Variants in LYST observed in about 807,000 individuals in gnomAD.
The protein encoded by LYST is lysosomal trafficking regulator, also known as lysosomal-trafficking regulator.
In LYST, 192 loss-of-function variants were observed where a neutral mutation model predicts 413.6. The observed-to-expected ratio is 0.46, with a 90% CI of 0.41 to 0.52. LYST has a LOEUF of 0.52. Among genes scored for constraint, LYST ranks in the 20% least tolerant of loss-of-function variants. The pLI is 0.00. For missense variants in LYST, 3,815 were observed against 4,499.9 expected (o/e 0.85, Z 4.35); for synonymous variants, 1,525 against 1,567.3 (o/e 0.97, Z 0.64).
chr1:235,676,418 G>T (rs1659384099), intron 50 of LYST, among the ~76,000 whole-genome samples: 1 of 152,156 alleles, frequency 6.6e-6, no homozygotes, highest in Admixed American at 6.5e-5. Flanking sequence ...TTGGAAATGG[G>T]CTAGTTTTCC....
chr1:235,712,114 C>A lies in LYST; in HGVS notation c.9868G>T (p.Val3290Leu). 1 of 1,566,040 alleles carries A rather than the reference C, an allele frequency of 6.4e-7. No homozygotes were observed. The highest frequency in any genetic ancestry group is 8.7e-7 in the Non-Finnish European group (1 of 1,150,640). Residue 3290 changes from valine to leucine, a missense_variant, in exon 43 of 53, where the codon GTG (valine) becomes TTG (leucine). Val to Leu is a conservative substitution (Grantham distance 32). Coordinates refer to ENST00000389793, the MANE Select transcript of LYST (RefSeq NM_000081.4). ...RLSSFESMTDVKELIPEFFYL... is the reference protein window; with the variant it reads ...RLSSFESMTDLKELIPEFFYL... ...AAAAACTCTGGGATAAGTTCTTTCA[C>A]ATCAGTCATAGATTCAAAAGATGAG...
intron 1 of LYST, among the ~76,000 whole-genome samples, chr1:235,855,018 C>T (rs1010471348): frequency 3.9e-5 from 6 of 152,192 alleles, no homozygotes; most frequent in Non-Finnish European, 7.3e-5. Context: ...ACACATAACA[C>T]GTTGTACCAC....
chr1:235,750,149 G>A (rs1401228708), intron 28 of LYST, among the ~76,000 whole-genome samples: 1 of 152,136 alleles, frequency 6.6e-6, no homozygotes, highest in Non-Finnish European at 1.5e-5. Context: ...AGGAAGCTGA[G>A]CACTAATGCT....
At chr1:235,823,501 C>T (rs1675004088) in intron 3 of LYST, among the ~76,000 whole-genome samples, 1 of 152,238 alleles carries the variant, frequency 6.6e-6, no homozygotes, top group Admixed American at 6.5e-5. Flanking sequence ...TTGCCTATTC[C>T]CTTGCTTTAA....
chr1:235,732,177 T>C lies in LYST; in HGVS notation c.8802-1000A>G, dbSNP rs968424185. ...ACAGTATTATCTTTATCTCATCATT[T>C]TGAATGGCTGCCCAATAAAGAGGTA... On this transcript the variant is annotated intron_variant, in intron 34 of 52. Coordinates refer to ENST00000389793, the MANE Select transcript of LYST (RefSeq NM_000081.4). 1.1e-4 allele frequency among the ~76,000 whole-genome samples: 16 copies of C among 152,334 alleles called. No homozygotes were observed. The East Asian group carries it at 3.1e-3, about 29-fold the overall frequency.
At chr1:235,764,502 T>TC (rs1483314899) in intron 21 of LYST, among the ~76,000 whole-genome samples, 2 of 141,328 alleles carry the variant, frequency 1.4e-5, no homozygotes, top group African/African-American at 5.3e-5. Flanking sequence ...TTTCTTTTTT[T>TC]TTTTTTTTTT....
intron 3 of LYST, among the ~76,000 whole-genome samples, chr1:235,820,988 A>G (rs1674688330): frequency 6.6e-6 from 1 of 152,184 alleles, no homozygotes; most frequent in Admixed American, 6.5e-5. Flanking sequence ...TTCTGTTCAC[A>G]TTACTTTAAA....
intron 1 of LYST, among the ~76,000 whole-genome samples, chr1:235,841,052 G>C (rs1369965021): frequency 6.6e-6 from 1 of 152,164 alleles, no homozygotes; most frequent in Non-Finnish European, 1.5e-5. Context: ...CTCCACACCA[G>C]GTGAGCTGAG....
chr1:235,782,230 A>ACGAT, intron 14 of LYST, 143 bp from the exon 15 acceptor site: 1 of 702,368 alleles, frequency 1.4e-6, no homozygotes, highest in Non-Finnish European at 2.3e-6. Context: ...CCAGGTTGGC[A>ACGAT]CGATCTCAGC....
At chr1:235,709,522 T>G (rs1035683051) in intron 43 of LYST, among the ~76,000 whole-genome samples, 1 of 142,730 alleles carries the variant, frequency 7.0e-6, no homozygotes, top group South Asian at 2.1e-4. Flanking sequence ...CTATCATAAT[T>G]AAATTTGAGA....
intron 28 of LYST, among the ~76,000 whole-genome samples, 164 bp downstream of exon 28, chr1:235,751,046 G>C (rs1666443752): frequency 6.6e-6 from 1 of 152,116 alleles, no homozygotes; most frequent in South Asian, 2.1e-4. Flanking sequence ...AACTGAATGA[G>C]AAAAGCACTA....
At chr1:235,701,020 T>C (rs1205406384) in intron 45 of LYST, among the ~76,000 whole-genome samples, 32 of 152,138 alleles carry the variant, frequency 2.1e-4, no homozygotes, top group Admixed American at 2.0e-3. Flanking sequence ...TAGACTTAGA[T>C]ATAATCAGAG....
intron 30 of LYST, among the ~76,000 whole-genome samples, chr1:235,743,253 T>C (rs1201147306): frequency 6.6e-6 from 1 of 152,208 alleles, no homozygotes; most frequent in Non-Finnish European, 1.5e-5. Flanking sequence ...AAGCAGTACA[T>C]TCAGAATTCA....
In LYST at chr1:235,813,713, T is replaced by C. The variant is rs995641418; in HGVS notation, c.193-652A>G. On this transcript the variant is annotated intron_variant, in intron 3 of 52. Transcript: ENST00000389793. ...AGAAGGCATGTAGTATGAGTAAGTA[T>C]CCAGGGGTGGTAGAAGCATTCAGTT... Among the ~76,000 whole-genome samples, 7 of 152,278 alleles carry C rather than the reference T, an allele frequency of 4.6e-5. No individual in the cohort carries two copies. The East Asian group carries it at 1.3e-3, about 29-fold the overall frequency.
At chr1:235,804,845 A>G (rs1042384835) in intron 6 of LYST, among the ~76,000 whole-genome samples, 180 bp from the exon 7 acceptor site, 1 of 152,236 alleles carries the variant, frequency 6.6e-6, no homozygotes, top group African/African-American at 2.4e-5. Flanking sequence ...TAAAATTAAT[A>G]ACATTTTTAT....
intron 12 of LYST, 67 bp downstream of exon 12, chr1:235,791,632 C>T (rs755106258): frequency 1.6e-5 from 21 of 1,339,538 alleles, no homozygotes; most frequent in Middle Eastern, 2.3e-4. Flanking sequence ...CACATTTTTA[C>T]GGCTCAAGGA....
intron 40 of LYST, among the ~76,000 whole-genome samples, chr1:235,718,281 C>A (rs1663030811): frequency 6.6e-6 from 1 of 151,870 alleles, no homozygotes; most frequent in Admixed American, 6.6e-5. Flanking sequence ...TAAAAATCAG[C>A]CACAATACTA....
rs147232955 is a variant in LYST, at chr1:235,837,580, T to C, written c.-97-3913A>G. Among the ~76,000 whole-genome samples, 1,488 of 150,714 alleles carry C rather than the reference T, an allele frequency of 9.9e-3. 12 individuals are homozygous for C. Among genetic ancestry groups the C allele is most frequent in the Middle Eastern group, 0.034 (10 of 294 alleles). On this transcript the variant is annotated intron_variant, in intron 1 of 52. Transcript: ENST00000389793. ...AGGGGGAGGTTGCAGTGAGCTGAGA[T>C]TGAGCCACCGCATACCAGCCTGGGT...
chr1:235,874,411 T>C (rs1467708571), intron 1 of LYST, among the ~76,000 whole-genome samples: 9 of 152,144 alleles, frequency 5.9e-5, no homozygotes, highest in Non-Finnish European at 1.0e-4. Flanking sequence ...TATGGCAACA[T>C]TGTGCGTAGG....
Sources: allele counts gnomAD v4.1 joint callset (sites outside exome capture counted in the v4.1 genomes callset), GRCh38; gene constraint gnomAD v4.1.1; transcripts MANE v1.5; gene names NCBI Gene and HGNC (gene_info 2026-07-23, HGNC 2026-07-21).